PARD3: variants seen among roughly 807,000 people sequenced by gnomAD.
The protein encoded by PARD3 is par-3 family cell polarity regulator.
PARD3 carries 75 observed loss-of-function variants against 155.4 expected under a neutral mutation model. The ratio of observed to expected loss-of-function variants is 0.48; its 90% CI spans 0.40 to 0.58. PARD3 has a LOEUF of 0.58. Among genes scored for constraint, PARD3 ranks in the 20% least tolerant of loss-of-function variants. The pLI, the probability that PARD3 is intolerant of heterozygous loss-of-function variation, is 0.00. For missense variants in PARD3, 1,642 were observed against 1,721.7 expected, an observed-to-expected ratio of 0.95 and a Z score of 0.82; for synonymous variants, 576 against 610.5, an observed-to-expected ratio of 0.94 and a Z score of 0.83.
chr10:34,446,818 C>A (rs541108775), intron 5 of PARD3, among the ~76,000 whole-genome samples: 12 of 152,050 alleles, frequency 7.9e-5, no homozygotes, highest in Non-Finnish European at 1.6e-4. Context: ...TATTTTAATA[C>A]CCTACATCCA....
At chr10:34,606,107 T>G (rs2090396474) in intron 2 of PARD3, among the ~76,000 whole-genome samples, 1 of 148,842 alleles carries the variant, frequency 6.7e-6, no homozygotes, top group South Asian at 2.1e-4. Context: ...GTTCTTTATA[T>G]ATATACAGAA....
intron 22 of PARD3, among the ~76,000 whole-genome samples, chr10:34,244,661 C>CTAAAAATCT (rs1164854751): frequency 1.3e-5 from 2 of 152,140 alleles, no homozygotes; most frequent in Non-Finnish European, 2.9e-5. Flanking sequence ...TGATATGTTA[C>CTAAAAATCT]TAAAAATCTT....
chr10:34,263,879 A>T (rs1955157095), intron 22 of PARD3, among the ~76,000 whole-genome samples: 1 of 152,226 alleles, frequency 6.6e-6, no homozygotes. Flanking sequence ...AAGGCAGAAG[A>T]GCTAATTGAG....
At chr10:34,456,262 C>G (rs2077335546) in intron 4 of PARD3, among the ~76,000 whole-genome samples, 1 of 152,116 alleles carries the variant, frequency 6.6e-6, no homozygotes, top group South Asian at 2.1e-4. Context: ...CTCTTTAGCT[C>G]AAATTACTTA....
intron 7 of PARD3, among the ~76,000 whole-genome samples, chr10:34,399,007 C>T (rs956882930): frequency 1.3e-5 from 2 of 152,136 alleles, no homozygotes; most frequent in Non-Finnish European, 2.9e-5. Context: ...CTCTCCTTAA[C>T]GTTGCAAATT....
At chr10:34,273,096 T>C (rs1322837673) in intron 21 of PARD3, among the ~76,000 whole-genome samples, 2 of 152,186 alleles carry the variant, frequency 1.3e-5, no homozygotes, top group Non-Finnish European at 2.9e-5. Flanking sequence ...TATCATACTG[T>C]CCAGTAATTG....
intron 1 of PARD3, among the ~76,000 whole-genome samples, chr10:34,770,394 GTAAAC>G (rs539710770): frequency 0.024 from 3,602 of 152,282 alleles, 144 homozygotes; most frequent in African/African-American, 0.083. Flanking sequence ...CGGCTAGCCT[GTAAAC>G]GCCTTGAGGG....
chr10:34,699,323 A>G (rs1230333068), intron 1 of PARD3, among the ~76,000 whole-genome samples: 1 of 94,528 alleles, frequency 1.1e-5, no homozygotes, highest in African/African-American at 3.0e-5. Flanking sequence ...ATGCTGCATT[A>G]AAAATAAAAA....
intron 5 of PARD3, among the ~76,000 whole-genome samples, chr10:34,446,672 T>C (rs926820737): frequency 6.6e-6 from 1 of 152,238 alleles, no homozygotes; most frequent in Admixed American, 6.5e-5. Flanking sequence ...TTCATAGAAC[T>C]GCCATGGCTG....
At chr10:34,673,985 A>C (rs1178200708) in intron 2 of PARD3, among the ~76,000 whole-genome samples, 2 of 75,386 alleles carry the variant, frequency 2.7e-5, no homozygotes, top group Non-Finnish European at 3.7e-5. Flanking sequence ...AGTCTGCATC[A>C]AAAAAAAAAA....
chr10:34,535,304 G>A (rs994908052), intron 2 of PARD3, among the ~76,000 whole-genome samples: 4 of 152,206 alleles, frequency 2.6e-5, no homozygotes, highest in African/African-American at 7.2e-5. Context: ...AGGGCTTATC[G>A]CCATCAGAGA....
chr10:34,666,805 A>ATATATATATATATATATATG (rs1554804648), intron 2 of PARD3, among the ~76,000 whole-genome samples: 52 of 101,664 alleles, frequency 5.1e-4, no homozygotes, highest in African/African-American at 2.2e-3. Context: ...AAATATATAT[A>ATATATATATATATATATATG]TATATATATA....
chr10:34,228,740 C>T (rs1049246512), intron 22 of PARD3, among the ~76,000 whole-genome samples: 1 of 151,986 alleles, frequency 6.6e-6, no homozygotes, highest in Non-Finnish European at 1.5e-5. Flanking sequence ...GGAGCTGAAT[C>T]GTGTTCAACA....
chr10:34,382,865 AAC>A lies in PARD3; in HGVS notation c.1072_1073del (p.Val358SerfsTer5). 6.2e-7 allele frequency: 1 copy of A among 1,614,180 alleles called. No homozygotes were observed. The highest frequency in any genetic ancestry group is 8.5e-7 in the Non-Finnish European group (1 of 1,180,016). ...MRTPIIWFHVVPAANKEQYEQ... is the reference protein window; with the variant it reads ...MRTPIIWFHVXPAANKEQYEQ... ...CATACTGCTCTTTATTTGCTGCAGG[AAC>A]CACATGGAACCAAATGATGGGTGTA... On this transcript the variant is annotated frameshift_variant, in exon 9 of 25. Transcript: ENST00000374788. LOFTEE classifies it high-confidence loss of function.
At chr10:34,365,651 T>G (rs1033869784) in intron 12 of PARD3, among the ~76,000 whole-genome samples, 3 of 152,212 alleles carry the variant, frequency 2.0e-5, no homozygotes, top group Non-Finnish European at 4.4e-5. Flanking sequence ...TGCAGTGGTA[T>G]GATCTCAACT....
chr10:34,508,181 C>G (rs2081199277), intron 3 of PARD3, among the ~76,000 whole-genome samples: 1 of 152,082 alleles, frequency 6.6e-6, no homozygotes, highest in Admixed American at 6.5e-5. Context: ...ATAGTAAAAT[C>G]TTATCAGTTA....
chr10:34,596,421 G>A (rs889972770), intron 2 of PARD3, among the ~76,000 whole-genome samples: 6 of 152,084 alleles, frequency 3.9e-5, no homozygotes, highest in Admixed American at 1.3e-4. Context: ...AATTCCACAC[G>A]GCTAGGGAGG....
intron 22 of PARD3, among the ~76,000 whole-genome samples, chr10:34,143,631 T>C (rs74131603): frequency 3.3e-5 from 5 of 152,314 alleles, no homozygotes; most frequent in African/African-American, 1.2e-4. Context: ...CAGTACTTAA[T>C]TCCAAATCAT....
chr10:34,344,851 C>T, intron 15 of PARD3: 1 of 985,336 alleles, frequency 1.0e-6, no homozygotes, highest in Non-Finnish European at 1.2e-6. Flanking sequence ...AAACATGCAT[C>T]CAAATTTTGG....
Sources: gnomAD v4.1 joint callset for allele counts (sites outside exome capture counted in the v4.1 genomes callset) on GRCh38, gnomAD v4.1.1 for gene constraint, MANE v1.5 for transcripts, NCBI Gene and HGNC (gene_info 2026-07-23, HGNC 2026-07-21) for gene names.